The following FNBP1 variants were observed in gnomAD, a reference collection of about 807,000 sequenced individuals.
The protein encoded by FNBP1 is formin binding protein 1.
Under a neutral mutation model 90.6 loss-of-function variants are expected in FNBP1, and 26 were observed. The observed-to-expected ratio is 0.29, with a 90% CI of 0.21 to 0.40. The LOEUF (loss-of-function observed/expected upper bound fraction) is 0.40. Ranked by LOEUF, FNBP1 falls within the 10% of genes least tolerant of loss-of-function variation. The probability of loss-of-function intolerance (pLI) is 1.00; values close to 1 mark genes in which losing one functional copy is unlikely to be tolerated. For missense variants in FNBP1, 635 were observed against 768.0 expected (o/e 0.83, Z 2.05); for synonymous variants, 260 against 265.2 (o/e 0.98, Z 0.19).
intron 1 of FNBP1, among the ~76,000 whole-genome samples, chr9:130,025,383 T>A (rs1267105328): frequency 6.6e-6 from 1 of 152,200 alleles, no homozygotes; most frequent in Non-Finnish European, 1.5e-5. Flanking sequence ...ATAAAATTTC[T>A]AAGTAAAGTT....
chr9:129,928,090 T>A (rs1477692939), intron 7 of FNBP1, among the ~76,000 whole-genome samples: 1 of 152,260 alleles, frequency 6.6e-6, no homozygotes, highest in Non-Finnish European at 1.5e-5. Flanking sequence ...TTGCTGTGTG[T>A]GTAGACACCA....
At chr9:129,926,778 C>T (rs2041984201) in intron 8 of FNBP1, among the ~76,000 whole-genome samples, 1 of 151,504 alleles carries the variant, frequency 6.6e-6, no homozygotes, top group Non-Finnish European at 1.5e-5. Context: ...CCCAGCTACT[C>T]AGGAGGCTGA....
chr9:129,967,645 A>G (rs1749895245), intron 4 of FNBP1, among the ~76,000 whole-genome samples: 1 of 152,194 alleles, frequency 6.6e-6, no homozygotes, highest in Non-Finnish European at 1.5e-5. Flanking sequence ...TGTATTAGGC[A>G]TCTAAGGAGA....
At chr9:129,941,126 C>T (rs2044257255) in intron 6 of FNBP1, among the ~76,000 whole-genome samples, 1 of 152,112 alleles carries the variant, frequency 6.6e-6, no homozygotes, top group Admixed American at 6.6e-5. Flanking sequence ...TGGTGGCTCA[C>T]GCCTGTAATC....
chr9:129,923,724 T>TTA, intron 10 of FNBP1, 120 bp downstream of exon 10: 1 of 1,117,486 alleles, frequency 8.9e-7, no homozygotes, highest in Non-Finnish European at 1.2e-6. Flanking sequence ...TTTTTTTTTT[T>TTA]AACTTTTTTA....
chr9:129,917,554 C>T (rs971160872), intron 10 of FNBP1, among the ~76,000 whole-genome samples: 7 of 151,826 alleles, frequency 4.6e-5, no homozygotes, highest in African/African-American at 7.3e-5. Flanking sequence ...AGGTTGATAT[C>T]GAACTCCTGA....
At chr9:129,963,632 T>A (rs1485806180) in intron 4 of FNBP1, among the ~76,000 whole-genome samples, 17 of 70,190 alleles carry the variant, frequency 2.4e-4, no homozygotes, top group Non-Finnish European at 4.8e-4. Flanking sequence ...TTTTTTTTTT[T>A]TTAAAAAAAC....
At chr9:129,991,079 G>A (rs1326327484) in intron 2 of FNBP1, among the ~76,000 whole-genome samples, 2 of 151,464 alleles carry the variant, frequency 1.3e-5, no homozygotes, top group Non-Finnish European at 2.9e-5. Flanking sequence ...GATTACAGGC[G>A]CCCACCACCA....
At chr9:130,007,253 A>AAG (rs1417333408) in intron 1 of FNBP1, among the ~76,000 whole-genome samples, 18 of 150,602 alleles carry the variant, frequency 1.2e-4, no homozygotes, top group Non-Finnish European at 2.2e-4. Flanking sequence ...AAAAAAAAAA[A>AAG]AAAAGAAAAA....
Position 129,929,699 on chromosome 9 carries a change from A to G in FNBP1, c.514-4T>C. ...GTATTTGAGCTTGTTGTCGGGCCTT[A>G]GGGCAAAAACAAGAATACTCCTACG... On this transcript the variant is annotated splice_region_variant and splice_polypyrimidine_tract_variant and intron_variant, in intron 6 of 16. Transcript: ENST00000446176. The G allele has an allele frequency of 6.2e-7, 1 of 1,613,928 alleles. No homozygotes were observed. The highest frequency in any genetic ancestry group is 1.6e-4 in the Middle Eastern group (1 of 6,062).
chr9:129,907,266 A>T (rs931505540), intron 12 of FNBP1, among the ~76,000 whole-genome samples: 4 of 151,804 alleles, frequency 2.6e-5, no homozygotes, highest in Non-Finnish European at 5.9e-5. Context: ...TTGGGTTTTT[A>T]ATTTTTTGGT....
At chr9:129,941,882 C>T (rs2044378967) in intron 6 of FNBP1, among the ~76,000 whole-genome samples, 1 of 152,132 alleles carries the variant, frequency 6.6e-6, no homozygotes, top group Admixed American at 6.5e-5. Context: ...ACCCCCCTGG[C>T]TGACATGGCA....
At chr9:129,987,245 G>A (rs536517861) in intron 2 of FNBP1, among the ~76,000 whole-genome samples, 1 of 152,078 alleles carries the variant, frequency 6.6e-6, no homozygotes, top group African/African-American at 2.4e-5. Flanking sequence ...AAGCTCTAAC[G>A]AGGGGGAGAA....
At chr9:130,050,235 T>C in the FNBP1 span, among the ~76,000 whole-genome samples, 3 of 152,278 alleles carry the variant, frequency 2.0e-5, no homozygotes, top group Non-Finnish European at 4.4e-5. Flanking sequence ...AGGAACTCCA[T>C]GGTGAGTGAA....
chr9:129,903,282 C>T (rs1255310216), intron 12 of FNBP1, among the ~76,000 whole-genome samples: 1 of 152,128 alleles, frequency 6.6e-6, no homozygotes, highest in Admixed American at 6.5e-5. Context: ...GAACTCCTGA[C>T]CTTAGGTGAT....
chr9:129,931,612 T>A (rs931701982), intron 6 of FNBP1, among the ~76,000 whole-genome samples: 2 of 148,908 alleles, frequency 1.3e-5, no homozygotes, highest in Admixed American at 6.7e-5. Context: ...TCTCAAAAAA[T>A]AATAATAATA....
At chr9:130,049,501 C>G in the FNBP1 span, among the ~76,000 whole-genome samples, 4 of 152,042 alleles carry the variant, frequency 2.6e-5, no homozygotes, top group Admixed American at 2.6e-4. Flanking sequence ...ACTGTTTGAG[C>G]CCAGGAGATT....
chr9:129,956,877 T>G (rs1189240733), intron 6 of FNBP1, among the ~76,000 whole-genome samples: 1 of 152,186 alleles, frequency 6.6e-6, no homozygotes, highest in Non-Finnish European at 1.5e-5. Context: ...ACACCGAAGA[T>G]TCCCCACACT....
At chr9:130,035,255 A>G (rs186823666) in intron 1 of FNBP1, among the ~76,000 whole-genome samples, 2 of 152,308 alleles carry the variant, frequency 1.3e-5, no homozygotes, top group Admixed American at 1.3e-4. Flanking sequence ...CCCCCAGCCA[A>G]TGACTAAGCA....
Sources: gnomAD v4.1 joint callset for allele counts (sites outside exome capture counted in the v4.1 genomes callset) on GRCh38, gnomAD v4.1.1 for gene constraint, MANE v1.5 for transcripts, NCBI Gene and HGNC (gene_info 2026-07-23, HGNC 2026-07-21) for gene names.